STAM2: variants seen among roughly 807,000 people sequenced by gnomAD.
The protein encoded by STAM2 is signal transducing adaptor molecule 2, also known as signal transducing adapter molecule 2.
STAM2 carries 51 observed loss-of-function variants against 65.6 expected under a neutral mutation model. The observed-to-expected ratio is 0.78, with a 90% confidence interval of 0.62 to 0.98. The LOEUF (loss-of-function observed/expected upper bound fraction) is 0.98. Among genes scored for constraint, STAM2 ranks in the 50% least tolerant of loss-of-function variants. The pLI is 0.00. For missense variants in STAM2, 584 were observed against 617.8 expected, an observed-to-expected ratio of 0.95 and a Z score of 0.58; for synonymous variants, 198 against 208.4, an observed-to-expected ratio of 0.95 and a Z score of 0.43.
At chr2:152,174,963 T>C (rs1267724169) in intron 1 of STAM2, among the ~76,000 whole-genome samples, 1 of 152,240 alleles carries the variant, frequency 6.6e-6, no homozygotes, top group Non-Finnish European at 1.5e-5. Flanking sequence ...CTTGTTGTTC[T>C]GGAGTGTTTT....
rs1477602946 is a variant in STAM2, at chr2:152,116,844, TTCA to T, written c.*3727_*3729del. ...TATTAGAGTATATTGTTACAACTCTTTCATCTTATTAGTTCTGCTGTTAAGTGC... is the reference window on the plus strand; with the variant it reads ...TATTAGAGTATATTGTTACAACTCTTTCTTATTAGTTCTGCTGTTAAGTGC... On this transcript the variant is annotated 3_prime_UTR_variant, in exon 14 of 14. Coordinates refer to ENST00000263904, the MANE Select transcript of STAM2 (RefSeq NM_005843.6). 1 of 152,244 alleles carries T rather than the reference TTCA, an allele frequency of 6.6e-6. No homozygotes were observed. The highest frequency in any genetic ancestry group is 1.9e-4 in the East Asian group (1 of 5,208). 9.4% of individuals were successfully genotyped at this position (152,244 alleles called of 1,614,324 possible).
intron 11 of STAM2, among the ~76,000 whole-genome samples, chr2:152,128,502 C>A (rs995430576): frequency 2.0e-5 from 3 of 151,834 alleles, no homozygotes; most frequent in African/African-American, 7.3e-5. Flanking sequence ...AAAATGTAAC[C>A]GTAGGAATTT....
chr2:152,125,757 A>C (rs1688953263), intron 12 of STAM2, among the ~76,000 whole-genome samples: 1 of 152,238 alleles, frequency 6.6e-6, no homozygotes, highest in South Asian at 2.1e-4. Flanking sequence ...GCCTGTTAAT[A>C]ATCATGTAAG....
In STAM2 at chr2:152,120,544, A is replaced by G. The variant is rs16830707; in HGVS notation, c.*30T>C. The G allele has an allele frequency of 1.7e-3, 2,680 of 1,596,456 alleles. 38 individuals carry two copies. The African/African-American group carries it at 0.032, about 19-fold the overall frequency. Reference sequence around the variant, plus strand: ...ACAAGGACTGAATAATACACTTATGAAGGCTTTCAAGAAAATGCTTGATTT... The same window carrying G: ...ACAAGGACTGAATAATACACTTATGGAGGCTTTCAAGAAAATGCTTGATTT... On this transcript the variant is annotated 3_prime_UTR_variant, in exon 14 of 14. Coordinates refer to ENST00000263904, the MANE Select transcript of STAM2 (RefSeq NM_005843.6).
At chr2:152,121,526 A>G (rs1456475587) in intron 13 of STAM2, among the ~76,000 whole-genome samples, 1 of 152,174 alleles carries the variant, frequency 6.6e-6, no homozygotes, top group East Asian at 1.9e-4. Flanking sequence ...AGCACAAAGA[A>G]GTCCACCTCT....
At position 152,119,100 on chromosome 2, in the gene STAM2, G is replaced by C. The variant is rs886866505; in HGVS notation, c.*1474C>G. The C allele has an allele frequency of 6.6e-6, 1 of 152,036 alleles. No homozygotes were observed. The highest frequency in any genetic ancestry group is 1.5e-5 in the Non-Finnish European group (1 of 67,968). 9.4% of individuals were successfully genotyped at this position (152,036 alleles called of 1,614,324 possible). A position where few individuals can be genotyped will look rare whatever the true frequency, so the allele number is the denominator to read the frequency against. On this transcript the variant is annotated 3_prime_UTR_variant, in exon 14 of 14. Coordinates refer to ENST00000263904, the MANE Select transcript of STAM2 (RefSeq NM_005843.6). The stretch of plus-strand genomic sequence containing the variant: ...TGCTTCCTTTAAAAAAACAAATATA[G>C]AAATCTTGCTTCCACGTAACTTTTT...
At chr2:152,166,634 C>T (rs919416726) in intron 1 of STAM2, among the ~76,000 whole-genome samples, 2 of 151,924 alleles carry the variant, frequency 1.3e-5, no homozygotes, top group African/African-American at 2.4e-5. Context: ...TATTCATTAT[C>T]AGGTAACTTA....
intron 7 of STAM2, among the ~76,000 whole-genome samples, chr2:152,136,307 G>GT (rs1280216594): frequency 1.3e-5 from 2 of 151,994 alleles, no homozygotes; most frequent in Admixed American, 6.6e-5. Flanking sequence ...GCCGGGTGTG[G>GT]TGGCAGGTGC....
chr2:152,126,633 A>G lies in STAM2; in HGVS notation c.1026-254T>C, dbSNP rs541626256. 1.2e-3 allele frequency among the ~76,000 whole-genome samples: 182 copies of G among 152,296 alleles called. 1 individual carries two copies. The highest frequency in any genetic ancestry group is 4.2e-3 in the African/African-American group (175 of 41,558). On this transcript the variant is annotated intron_variant, in intron 11 of 13. Coordinates refer to ENST00000263904, the MANE Select transcript of STAM2 (RefSeq NM_005843.6). The stretch of plus-strand genomic sequence containing the variant: ...AGGCTGATTTTCAAGCTGACTTCTT[A>G]TAACTAAATTGAAAGGAAAACCAAC...
chr2:152,150,123 T>C, intron 2 of STAM2, 22 bp downstream of exon 2: 2 of 1,521,744 alleles, frequency 1.3e-6, no homozygotes, highest in Non-Finnish European at 9.1e-7. Context: ...AGACATTCAC[T>C]GAGCATGACT....
At chr2:152,148,984 A>T (rs1689387790) in intron 2 of STAM2, among the ~76,000 whole-genome samples, 1 of 152,218 alleles carries the variant, frequency 6.6e-6, no homozygotes, top group African/African-American at 2.4e-5. Context: ...AAACATGTGA[A>T]TGTACTATGA....
chr2:152,154,239 G>C (rs1689500479), intron 1 of STAM2, among the ~76,000 whole-genome samples: 1 of 152,128 alleles, frequency 6.6e-6, no homozygotes, highest in African/African-American at 2.4e-5. Flanking sequence ...AGACTAGCTA[G>C]TCCTACACAG....
At chr2:152,136,799 G>A (rs987304435) in intron 7 of STAM2, among the ~76,000 whole-genome samples, 33 of 151,914 alleles carry the variant, frequency 2.2e-4, no homozygotes, top group Admixed American at 1.8e-3. Flanking sequence ...ATAAGGTAAT[G>A]ATCATCCTAG....
chr2:152,133,488 T>C lies in STAM2; in HGVS notation c.800-4A>G. 1 of 1,609,136 alleles carries C rather than the reference T, an allele frequency of 6.2e-7. No individual in the cohort carries two copies. Among genetic ancestry groups the C allele is most frequent in the East Asian group, 2.2e-5 (1 of 44,738 alleles). ...ACATTCAATTTGTCCACAGCCGCTA[T>C]AGAAACAAAGTAATTTTAAGTTCCT... is the stretch of plus-strand genomic sequence containing the variant. On this transcript the variant is annotated splice_polypyrimidine_tract_variant and splice_region_variant and intron_variant, in intron 8 of 13. Coordinates refer to ENST00000263904, the MANE Select transcript of STAM2 (RefSeq NM_005843.6).
intron 11 of STAM2, chr2:152,131,643 A>T (rs765498812): frequency 1.1e-5 from 2 of 183,964 alleles, no homozygotes; most frequent in Non-Finnish European, 2.4e-5. Flanking sequence ...GGGTAAAAGT[A>T]GACTCTGAAG....
At chr2:152,130,519 G>C (rs1046528130) in intron 11 of STAM2, among the ~76,000 whole-genome samples, 1 of 151,740 alleles carries the variant, frequency 6.6e-6, no homozygotes, top group African/African-American at 2.4e-5. Context: ...CCAAAGTGCT[G>C]GGATTACAGG....
At position 152,156,740 on chromosome 2, in the gene STAM2, C is replaced by G. The variant is rs1010959229; in HGVS notation, c.41-6511G>C. Among the ~76,000 whole-genome samples, 4 of 152,282 alleles carry G rather than the reference C, an allele frequency of 2.6e-5. No homozygotes were observed. In the East Asian group the frequency reaches 7.7e-4, roughly 29 times the overall value. On this transcript the variant is annotated intron_variant, in intron 1 of 13. Coordinates refer to ENST00000263904, the MANE Select transcript of STAM2 (RefSeq NM_005843.6). ...TTCAAAGTACAGCTTTAAAAAGAATCTAGCTCTACCCATAAAACTTTTAAT... is the reference window on the plus strand; with the variant it reads ...TTCAAAGTACAGCTTTAAAAAGAATGTAGCTCTACCCATAAAACTTTTAAT...
intron 1 of STAM2, among the ~76,000 whole-genome samples, chr2:152,164,845 T>G (rs2105565997): frequency 6.6e-6 from 1 of 152,262 alleles, no homozygotes; most frequent in East Asian, 1.9e-4. Flanking sequence ...AAAATTACCT[T>G]TTACTGTCCT....
intron 8 of STAM2, among the ~76,000 whole-genome samples, 183 bp downstream of exon 8, chr2:152,135,326 G>A: frequency 6.6e-6 from 1 of 152,152 alleles, no homozygotes; most frequent in African/African-American, 2.4e-5. Flanking sequence ...AATAATTCTT[G>A]GGATTGACAC....
Sources: allele counts gnomAD v4.1 joint callset (sites outside exome capture counted in the v4.1 genomes callset), GRCh38; gene constraint gnomAD v4.1.1; transcripts MANE v1.5; gene names NCBI Gene and HGNC (gene_info 2026-07-23, HGNC 2026-07-21).